The following PDE1C variants were observed in gnomAD, a reference collection of about 807,000 sequenced individuals.
PDE1C encodes the protein dual specificity calcium/calmodulin-dependent 3',5'-cyclic nucleotide phosphodiesterase 1C.
A neutral mutation model predicts 93.1 loss-of-function variants in PDE1C; 62 were observed. The observed-to-expected ratio is 0.67, with a 90% CI of 0.54 to 0.82. PDE1C has a LOEUF of 0.82. Among genes scored for constraint, PDE1C ranks in the 40% least tolerant of loss-of-function variants. The pLI, the probability that PDE1C is intolerant of heterozygous loss-of-function variation, is 0.00. For synonymous variants in PDE1C, 325 were observed against 310.1 expected (o/e 1.05, Z -0.50); for missense variants, 742 against 884.6 (o/e 0.84, Z 2.04).
rs374628531 is a variant in PDE1C, at chr7:32,057,145, AG to A, written c.102-5566del. Among the ~76,000 whole-genome samples the A allele has an allele frequency of 7.9e-4, 120 of 152,356 alleles. 1 individual carries two copies. Among genetic ancestry groups the A allele is most frequent in the African/African-American group, 2.8e-3 (116 of 41,582 alleles). ...GGAAATATCTAAAATTATCTTTCAA[AG>A]AAAGTCCTTTTTATCAATAACTCCC... is the stretch of plus-strand genomic sequence containing the variant. On this transcript the variant is annotated intron_variant, in intron 1 of 17. Transcript: ENST00000396191.
At chr7:32,178,662 C>G (rs1324742137) in intron 2 of PDE1C, among the ~76,000 whole-genome samples, 1 of 152,116 alleles carries the variant, frequency 6.6e-6, no homozygotes. Context: ...TCTCCTCACT[C>G]CCCTCCCCAA....
chr7:31,703,275 T>G, the PDE1C span, among the ~76,000 whole-genome samples: 2 of 152,194 alleles, frequency 1.3e-5, no homozygotes, highest in Admixed American at 1.3e-4. Flanking sequence ...GCCACAGCAT[T>G]TTACTTCTCT....
At chr7:32,381,168 A>G (rs977916191) in intron 1 of PDE1C, among the ~76,000 whole-genome samples, 1 of 151,344 alleles carries the variant, frequency 6.6e-6, no homozygotes, top group Non-Finnish European at 1.5e-5. Flanking sequence ...TCTACCTTCA[A>G]AATACAAGCA....
At chr7:32,097,084 G>C (rs1797793733) in intron 3 of PDE1C, among the ~76,000 whole-genome samples, 1 of 152,196 alleles carries the variant, frequency 6.6e-6, no homozygotes, top group Admixed American at 6.5e-5. Context: ...GCTTAAATCA[G>C]GGAGGAGAGG....
rs577653686 is a variant in PDE1C, at chr7:31,823,473, C to T, written c.1407-225G>A. ...TTGCAGTCTCAAGAGTCTCTATATT[C>T]TTCATATTTCTTCTTTGCTATTTGG... On this transcript the variant is annotated intron_variant, in intron 13 of 17. Coordinates refer to ENST00000396191, the MANE Select transcript of PDE1C (RefSeq NM_001191057.4). Among the ~76,000 whole-genome samples the T allele has an allele frequency of 1.8e-4, 28 of 152,036 alleles. No homozygotes were observed. In the South Asian group the frequency reaches 5.8e-3, roughly 32 times the overall value.
At chr7:32,153,752 A>C (rs1801399704) in intron 3 of PDE1C, among the ~76,000 whole-genome samples, 1 of 152,206 alleles carries the variant, frequency 6.6e-6, no homozygotes, top group East Asian at 1.9e-4. Context: ...TTTCAGCAAG[A>C]AAAAAAGTGA....
At chr7:32,147,856 A>C (rs1225048533) in intron 3 of PDE1C, among the ~76,000 whole-genome samples, 2 of 152,094 alleles carry the variant, frequency 1.3e-5, no homozygotes, top group East Asian at 3.9e-4. Context: ...AGAGAGCTAA[A>C]GCTGATGCCA....
chr7:32,298,185 G>A (rs892828041), intron 1 of PDE1C, among the ~76,000 whole-genome samples: 1 of 151,462 alleles, frequency 6.6e-6, no homozygotes, highest in Non-Finnish European at 1.5e-5. Context: ...CTATCTCTGG[G>A]GCCTAGGTGT....
At chr7:32,133,038 A>C (rs1430209175) in intron 3 of PDE1C, among the ~76,000 whole-genome samples, 1 of 152,192 alleles carries the variant, frequency 6.6e-6, no homozygotes, top group Non-Finnish European at 1.5e-5. Flanking sequence ...GAATATCTCA[A>C]ATTTGAGATT....
At chr7:31,881,005 C>T in intron 2 of PDE1C, 145 bp from the exon 3 acceptor site, 1 of 608,774 alleles carries the variant, frequency 1.6e-6, no homozygotes, top group Non-Finnish European at 2.8e-6. Flanking sequence ...ACCAAAGGAG[C>T]AGGTAATAAA....
intron 1 of PDE1C, among the ~76,000 whole-genome samples, chr7:32,279,496 A>G (rs986011532): frequency 2.0e-5 from 3 of 152,212 alleles, no homozygotes; most frequent in Non-Finnish European, 4.4e-5. Context: ...GAAAGGATCA[A>G]TGTTTGAGGT....
chr7:32,336,880 T>C (rs995652646), intron 1 of PDE1C, among the ~76,000 whole-genome samples: 6 of 152,162 alleles, frequency 3.9e-5, no homozygotes, highest in African/African-American at 1.4e-4. Context: ...TGACAGTATT[T>C]CAACAAGTAA....
At chr7:31,715,809 G>A in the PDE1C span, among the ~76,000 whole-genome samples, 1 of 152,158 alleles carries the variant, frequency 6.6e-6, no homozygotes, top group Non-Finnish European at 1.5e-5. Context: ...ACAAGCTGAG[G>A]TAAACAGGTC....
intron 3 of PDE1C, among the ~76,000 whole-genome samples, chr7:32,155,152 T>C (rs914535794): frequency 6.6e-6 from 1 of 152,224 alleles, no homozygotes; most frequent in African/African-American, 2.4e-5. Context: ...ACACAGACCT[T>C]CTGCCTCATT....
At chr7:31,745,919 G>T in the PDE1C span, among the ~76,000 whole-genome samples, 1 of 152,260 alleles carries the variant, frequency 6.6e-6, no homozygotes, top group Admixed American at 6.5e-5. Flanking sequence ...GCTGAGTATG[G>T]TGGGCGAGTA....
chr7:31,924,924 A>G (rs1803152429), intron 2 of PDE1C, among the ~76,000 whole-genome samples: 1 of 152,248 alleles, frequency 6.6e-6, no homozygotes, highest in Admixed American at 6.5e-5. Flanking sequence ...GTATCAATGT[A>G]TAATTCTCAA....
At chr7:32,121,534 A>G (rs573549690) in intron 3 of PDE1C, among the ~76,000 whole-genome samples, 6 of 152,360 alleles carry the variant, frequency 3.9e-5, no homozygotes, top group Admixed American at 3.9e-4. Flanking sequence ...CAGACCTTTC[A>G]GCAGAAACCC....
intron 1 of PDE1C, among the ~76,000 whole-genome samples, chr7:32,333,268 ATGT>A (rs1048104572): frequency 6.6e-6 from 1 of 152,200 alleles, no homozygotes; most frequent in Non-Finnish European, 1.5e-5. Context: ...TGGCCATGAT[ATGT>A]TGTTATCACA....
intron 1 of PDE1C, among the ~76,000 whole-genome samples, chr7:32,240,589 T>G (rs1808473026): frequency 6.6e-6 from 1 of 151,958 alleles, no homozygotes; most frequent in Admixed American, 6.6e-5. Context: ...ATGCAGGGAT[T>G]TAGGAGAGGG....
Sources: gnomAD v4.1 joint callset for allele counts (sites outside exome capture counted in the v4.1 genomes callset) on GRCh38, gnomAD v4.1.1 for gene constraint, MANE v1.5 for transcripts, NCBI Gene and HGNC (gene_info 2026-07-23, HGNC 2026-07-21) for gene names.